LGI2: variants seen among roughly 807,000 people sequenced by gnomAD.
LGI2 encodes the protein leucine rich repeat LGI family member 2, also known as leucine-rich repeat LGI family member 2.
In LGI2, 30 loss-of-function variants were observed where a neutral mutation model predicts 52.0. The observed-to-expected ratio is 0.58, with a 90% CI of 0.43 to 0.78. The LOEUF (loss-of-function observed/expected upper bound fraction) is 0.78. Ranked by LOEUF, LGI2 falls within the 30% of genes least tolerant of loss-of-function variation. LGI2 has a pLI of 0.00. For synonymous variants in LGI2, 270 were observed against 271.8 expected (o/e 0.99, Z 0.06); for missense variants, 573 against 692.5 (o/e 0.83, Z 1.94).
intron 5 of LGI2, 99 bp from the exon 6 acceptor site, chr4:25,018,257 A>G: frequency 1.2e-6 from 1 of 814,052 alleles, no homozygotes; most frequent in Non-Finnish European, 1.9e-6. Flanking sequence ...TAACATCCTG[A>G]TATATTTAAA....
the LGI2 span, among the ~76,000 whole-genome samples, chr4:24,993,603 T>C: frequency 6.6e-6 from 1 of 152,196 alleles, no homozygotes; most frequent in African/African-American, 2.4e-5. Flanking sequence ...CCCATGACTT[T>C]AATGGTCATA....
At chr4:25,015,567 G>A (rs894975438) in intron 6 of LGI2, among the ~76,000 whole-genome samples, 4 of 152,280 alleles carry the variant, frequency 2.6e-5, no homozygotes, top group Non-Finnish European at 4.4e-5. Context: ...CCCCTTTTCC[G>A]ATAATCTGAG....
At chr4:25,005,321 T>A (rs1053610154) in intron 7 of LGI2, among the ~76,000 whole-genome samples, 1 of 152,214 alleles carries the variant, frequency 6.6e-6, no homozygotes, top group African/African-American at 2.4e-5. Flanking sequence ...ACAATTTTTT[T>A]AAGTTGTTTA....
At chr4:24,996,932 G>C (rs1725100301), downstream of LGI2, among the ~76,000 whole-genome samples, 3 of 152,210 alleles carry the variant, frequency 2.0e-5, no homozygotes, top group Admixed American at 2.0e-4. Flanking sequence ...ATTCCAGCAG[G>C]TGCTGGAGAT....
chr4:25,029,526 T>C (rs1158010882), intron 1 of LGI2, among the ~76,000 whole-genome samples: 1 of 152,188 alleles, frequency 6.6e-6, no homozygotes, highest in Non-Finnish European at 1.5e-5. Context: ...CACCCAGGCA[T>C]CTTGGCCTGG....
intron 4 of LGI2, among the ~76,000 whole-genome samples, chr4:25,023,704 G>A (rs570795861): frequency 6.6e-6 from 1 of 152,194 alleles, no homozygotes; most frequent in Non-Finnish European, 1.5e-5. Flanking sequence ...TGTCTTTATG[G>A]CAGGCAGGCT....
chr4:25,030,444 G>T (rs1005505889), intron 1 of LGI2, 53 bp downstream of exon 1: 1 of 1,540,668 alleles, frequency 6.5e-7, no homozygotes, highest in East Asian at 2.4e-5. Flanking sequence ...CCCTCGCGGC[G>T]GCGGACGCAG....
intron 4 of LGI2, among the ~76,000 whole-genome samples, chr4:25,021,071 T>C (rs1436476531): frequency 6.6e-6 from 1 of 151,230 alleles, no homozygotes; most frequent in East Asian, 1.9e-4. Context: ...AAAGTTACTG[T>C]ATTGATATGA....
intron 7 of LGI2, among the ~76,000 whole-genome samples, chr4:25,010,475 G>A (rs554885787): frequency 3.3e-5 from 5 of 152,210 alleles, no homozygotes; most frequent in East Asian, 3.9e-4. Context: ...AGAAGCGCCC[G>A]CTCTGTGCAC....
intron 6 of LGI2, among the ~76,000 whole-genome samples, chr4:25,017,541 C>CAAAAAA (rs66740392): frequency 2.4e-4 from 13 of 53,244 alleles, no homozygotes; most frequent in African/African-American, 8.9e-4. Context: ...GACTCTGCCT[C>CAAAAAA]AAAAAAAAAA....
chr4:25,022,082 C>G (rs895204108), intron 4 of LGI2, among the ~76,000 whole-genome samples: 1 of 152,110 alleles, frequency 6.6e-6, no homozygotes, highest in Non-Finnish European at 1.5e-5. Flanking sequence ...GGGGGAAGAA[C>G]AGAGCTAAGG....
intron 7 of LGI2, among the ~76,000 whole-genome samples, chr4:25,009,472 C>T (rs1725504525): frequency 6.6e-6 from 1 of 152,178 alleles, no homozygotes; most frequent in Non-Finnish European, 1.5e-5. Flanking sequence ...CAGTACTCCA[C>T]ATCTTCCTTC....
chr4:25,002,749 A>G lies in LGI2; in HGVS notation c.*702T>C, dbSNP rs921611557. The G allele has an allele frequency of 6.5e-6, 1 of 152,720 alleles. No homozygotes were observed. The highest frequency in any genetic ancestry group is 1.5e-5 in the Non-Finnish European group (1 of 68,122). The allele number at this position is 152,720 out of a possible 1,614,324, so 9.5% of individuals were successfully genotyped here. On this transcript the variant is annotated 3_prime_UTR_variant, in exon 8 of 8. Coordinates refer to ENST00000382114, the MANE Select transcript of LGI2 (RefSeq NM_018176.4). ...CACCTTTGAACCGTAAGAAAGAGGGAAAAACTCCTTTGAGTCACTCCTGGG... is the reference window on the plus strand; with the variant it reads ...CACCTTTGAACCGTAAGAAAGAGGGGAAAACTCCTTTGAGTCACTCCTGGG...
Position 25,004,180 on chromosome 4 carries a change from G to A in LGI2, c.909C>T (p.Tyr303=), listed in dbSNP as rs1252639327. Residue 303 remains tyrosine, a synonymous_variant, in exon 8 of 8, where the codon TAC becomes TAT. Coordinates refer to ENST00000382114, the MANE Select transcript of LGI2 (RefSeq NM_018176.4). This position sits in a 1 kb window ranked among gnomAD's most constrained non-coding sequence, Gnocchi z 4.6. ...ATTTGGTCCAACTCTCGTCGTATTT[G>A]TAAATGTGAGAGCCACCGAAGAGCT... ...VAQLFGGSHI[Y]KYDESWTKFV... The A allele has an allele frequency of 1.2e-6, 2 of 1,614,172 alleles. No homozygotes were observed. The highest frequency in any genetic ancestry group is 1.7e-5 in the Admixed American group (1 of 60,024).
downstream of LGI2, among the ~76,000 whole-genome samples, chr4:24,996,440 T>C (rs896098045): frequency 6.6e-6 from 1 of 152,220 alleles, no homozygotes; most frequent in Non-Finnish European, 1.5e-5. Flanking sequence ...AGGAAAATGA[T>C]GTAAACTAGA....
intron 4 of LGI2, among the ~76,000 whole-genome samples, chr4:25,022,153 A>G (rs1267372818): frequency 1.3e-5 from 2 of 152,170 alleles, no homozygotes; most frequent in Non-Finnish European, 2.9e-5. Context: ...TAAAACGAAC[A>G]CCCAGGCAAC....
chr4:25,003,034 T>G lies in LGI2; in HGVS notation c.*417A>C, dbSNP rs1253798358. Reference sequence around the variant, plus strand: ...TCAGCAAATCTTTTCAGCAGACTTTTGGCTTTAAGAGTTCTTACCAAAAAG... The same window carrying G: ...TCAGCAAATCTTTTCAGCAGACTTTGGGCTTTAAGAGTTCTTACCAAAAAG... On this transcript the variant is annotated 3_prime_UTR_variant, in exon 8 of 8. Transcript: ENST00000382114. The G allele has an allele frequency of 1.3e-5, 2 of 154,916 alleles. No homozygotes were observed. Among genetic ancestry groups the G allele is most frequent in the Non-Finnish European group, 2.9e-5 (2 of 70,060 alleles). The allele number at this position is 154,916 out of a possible 1,614,324, so 9.6% of individuals were successfully genotyped here.
At chr4:24,996,025 A>G (rs1463273254), downstream of LGI2, among the ~76,000 whole-genome samples, 1 of 152,210 alleles carries the variant, frequency 6.6e-6, no homozygotes. Context: ...GGGCAGTGAA[A>G]GAGCAAGAGG....
chr4:25,029,130 C>T (rs1403866356), intron 1 of LGI2, among the ~76,000 whole-genome samples: 2 of 152,212 alleles, frequency 1.3e-5, no homozygotes, highest in Admixed American at 1.3e-4. Context: ...AACCAGGAGG[C>T]AAGATGCTTG....
Sources: allele counts gnomAD v4.1 joint callset (sites outside exome capture counted in the v4.1 genomes callset), GRCh38; gene constraint gnomAD v4.1.1; non-coding constraint Gnocchi (gnomAD v3.1); transcripts MANE v1.5; gene names NCBI Gene and HGNC (gene_info 2026-07-23, HGNC 2026-07-21).